The following EPHX1 variants were observed in gnomAD, a reference collection of about 807,000 sequenced individuals.
EPHX1 encodes the protein epoxide hydratase.
In EPHX1, 40 loss-of-function variants were observed where a neutral mutation model predicts 43.2. The observed-to-expected ratio is 0.93, with a 90% confidence interval of 0.72 to 1.21. EPHX1 has a LOEUF of 1.21. EPHX1 is among the 50% of genes most tolerant of loss of function. EPHX1 has a pLI of 0.00. For missense variants in EPHX1, 550 were observed against 570.4 expected, an observed-to-expected ratio of 0.96 and a Z score of 0.36; for synonymous variants, 221 against 226.7, an observed-to-expected ratio of 0.98 and a Z score of 0.22.
intron 1 of EPHX1, among the ~76,000 whole-genome samples, chr1:225,827,917 C>CG: frequency 2.4e-5 from 1 of 41,950 alleles, no homozygotes; most frequent in East Asian, 0.021. Context: ...CCCCATTACC[C>CG]CGTCTGCCCT....
chr1:225,832,078 A>G (rs1667636372), intron 3 of EPHX1, 119 bp downstream of exon 3: 2 of 1,040,466 alleles, frequency 1.9e-6, no homozygotes, highest in East Asian at 4.9e-5. Flanking sequence ...TAGGTGACTG[A>G]GATGTACTTA....
intron 3 of EPHX1, among the ~76,000 whole-genome samples, chr1:225,833,173 A>G (rs2102733012): frequency 6.6e-6 from 1 of 152,302 alleles, no homozygotes; most frequent in South Asian, 2.1e-4. Context: ...AATTTTTTAT[A>G]TTGAAGAAAT....
In EPHX1 at chr1:225,841,483, C is replaced by T. The variant is rs140963338; in HGVS notation, c.932-883C>T. Among the ~76,000 whole-genome samples, 1,360 of 151,752 alleles carry T rather than the reference C, an allele frequency of 9.0e-3. 24 individuals are homozygous for T. Among genetic ancestry groups the T allele is most frequent in the African/African-American group, 0.031 (1,298 of 41,314 alleles). On this transcript the variant is annotated intron_variant, in intron 6 of 8. Transcript: ENST00000272167. ...ATTTTTAGTAGAGACGGGGTTTTACCATGTTGGCCAGGCTGGTCTCGAACT... is the reference window on the plus strand; with the variant it reads ...ATTTTTAGTAGAGACGGGGTTTTACTATGTTGGCCAGGCTGGTCTCGAACT...
At chr1:225,823,891 A>G (rs1667101009) in intron 1 of EPHX1, among the ~76,000 whole-genome samples, 1 of 152,226 alleles carries the variant, frequency 6.6e-6, no homozygotes, top group Admixed American at 6.5e-5. Flanking sequence ...CTGGCCAGGC[A>G]GAGTGGTGCC....
chr1:225,837,937 A>G (rs1037585127), intron 3 of EPHX1, among the ~76,000 whole-genome samples: 2 of 152,266 alleles, frequency 1.3e-5, no homozygotes, highest in African/African-American at 4.8e-5. Flanking sequence ...AAAATTGGAA[A>G]GTACATAAAA....
At position 225,844,548 on chromosome 1, in the gene EPHX1, C is replaced by G. The variant is rs1226707994; in HGVS notation, c.1091C>G (p.Thr364Arg). 1.2e-6 allele frequency: 2 copies of G among 1,614,074 alleles called. No individual in the cohort carries two copies. Among genetic ancestry groups the G allele is most frequent in the African/African-American group, 1.3e-5 (1 of 74,918 alleles). ...ACCAACGTCATGCTCTACTGGACAA[C>G]AGGCACCATCATCTCCTCCCAGCGC... ...LLTNVMLYWT[T>R]GTIISSQRFY... The change falls in exon 8 of 9, where the codon ACA (threonine) becomes AGA (arginine). Residue 364 changes from threonine to arginine, a missense_variant. Thr to Arg is a moderately conservative substitution (Grantham distance 71). Transcript: ENST00000272167.
At chr1:225,838,545 G>C in intron 3 of EPHX1, 109 bp from the exon 4 acceptor site, 1 of 892,764 alleles carries the variant, frequency 1.1e-6, no homozygotes. Flanking sequence ...AGGGGCGGCG[G>C]GGGCACTAAG....
intron 2 of EPHX1, among the ~76,000 whole-genome samples, chr1:225,831,054 A>G (rs1166869067): frequency 2.0e-5 from 3 of 152,192 alleles, no homozygotes; most frequent in Non-Finnish European, 2.9e-5. Flanking sequence ...CTGTCCATAA[A>G]TAAAGTTTTA....
chr1:225,829,651 G>T (rs117146989), intron 2 of EPHX1, among the ~76,000 whole-genome samples: 1 of 152,160 alleles, frequency 6.6e-6, no homozygotes, highest in African/African-American at 2.4e-5. Flanking sequence ...CTTTCATTCC[G>T]TGGGTTTTGA....
chr1:225,842,493 C>T lies in EPHX1; in HGVS notation c.1040+19C>T. On this transcript the variant is annotated intron_variant, in intron 7 of 8. Coordinates refer to ENST00000272167, the MANE Select transcript of EPHX1 (RefSeq NM_001136018.4). ...TGGAAAGGTGAGGCCCTGGTTTGCC[C>T]CTGCAGTCATGACCCTGGTCCCAGC... 1 of 1,566,588 alleles carries T rather than the reference C, an allele frequency of 6.4e-7. No individual in the cohort carries two copies. Among genetic ancestry groups the T allele is most frequent in the Non-Finnish European group, 8.8e-7 (1 of 1,136,628 alleles).
intron 1 of EPHX1, among the ~76,000 whole-genome samples, chr1:225,827,230 C>G (rs916159510): frequency 2.0e-5 from 3 of 152,154 alleles, no homozygotes; most frequent in African/African-American, 7.2e-5. Context: ...GGACCACCTC[C>G]TGCCTTGGGT....
chr1:225,815,101 C>G (rs1424066643), intron 1 of EPHX1, among the ~76,000 whole-genome samples: 1 of 151,420 alleles, frequency 6.6e-6, no homozygotes, highest in African/African-American at 2.4e-5. Flanking sequence ...AATGTAGCCA[C>G]CAGGTCGGGG....
At chr1:225,812,683 G>A (rs1666542437) in intron 1 of EPHX1, among the ~76,000 whole-genome samples, 1 of 152,312 alleles carries the variant, frequency 6.6e-6, no homozygotes, top group Non-Finnish European at 1.5e-5. Flanking sequence ...AGGGGCTACC[G>A]AGATTCATTT....
chr1:225,844,708 G>A lies in EPHX1; in HGVS notation c.1166+85G>A. On this transcript the variant is annotated intron_variant, in intron 8 of 8. Coordinates refer to ENST00000272167, the MANE Select transcript of EPHX1 (RefSeq NM_001136018.4). ...TCTTGGGCTCCACGAAGGGCACTTG[G>A]TGGTGGGATAAGTATAGCCTTGCCT... is the stretch of plus-strand genomic sequence containing the variant. The A allele has an allele frequency of 2.5e-6, 4 of 1,583,810 alleles. No individual in the cohort carries two copies. The East Asian group carries it at 9.1e-5, about 36-fold the overall frequency.
chr1:225,831,676 A>G (rs2102727365), intron 2 of EPHX1, 103 bp from the exon 3 acceptor site: 2 of 1,175,246 alleles, frequency 1.7e-6, no homozygotes, highest in East Asian at 2.4e-5. Context: ...AGAGGGCAGT[A>G]TCTTGTGGCT....
At chr1:225,840,700 A>C (rs116430388) in intron 6 of EPHX1, among the ~76,000 whole-genome samples, 1 of 152,336 alleles carries the variant, frequency 6.6e-6, no homozygotes, top group Non-Finnish European at 1.5e-5. Flanking sequence ...TACAATTCAC[A>C]GAACTGTAAA....
At chr1:225,831,714 A>G in intron 2 of EPHX1, 65 bp from the exon 3 acceptor site, 1 of 1,550,128 alleles carries the variant, frequency 6.5e-7, no homozygotes, top group Non-Finnish European at 8.9e-7. Context: ...TTCTGGAAAC[A>G]GACTTTGCTC....
chr1:225,838,501 C>T (rs1559024060), intron 3 of EPHX1, among the ~76,000 whole-genome samples, 153 bp from the exon 4 acceptor site: 1 of 152,080 alleles, frequency 6.6e-6, no homozygotes, highest in Non-Finnish European at 1.5e-5. Flanking sequence ...GAGTGTGAAA[C>T]CAGTGTCAGC....
chr1:225,845,231 C>A lies in EPHX1; in HGVS notation c.1252C>A (p.Pro418Thr). 6.2e-7 allele frequency: 1 copy of A among 1,614,108 alleles called. No individual in the cohort carries two copies. Among genetic ancestry groups the A allele is most frequent in the African/African-American group, 1.3e-5 (1 of 75,048 alleles). Residue 418 changes from proline to threonine, a missense_variant, in exon 9 of 9, where the codon CCA becomes ACA. Physicochemically the swap from Pro to Thr is conservative, Grantham distance 38 (BLOSUM62 -1). Coordinates refer to ENST00000272167, the MANE Select transcript of EPHX1 (RefSeq NM_001136018.4). Reference protein sequence around the residue: ...TPEKWVRFKYPKLISYSYMVR... With the variant: ...TPEKWVRFKYTKLISYSYMVR... ...TGAAAAGTGGGTGAGGTTCAAGTACCCAAAGCTCATCTCCTATTCCTACAT... is the reference window on the plus strand; with the variant it reads ...TGAAAAGTGGGTGAGGTTCAAGTACACAAAGCTCATCTCCTATTCCTACAT...
Sources: gnomAD v4.1 joint callset for allele counts (sites outside exome capture counted in the v4.1 genomes callset) on GRCh38, gnomAD v4.1.1 for gene constraint, MANE v1.5 for transcripts, NCBI Gene and HGNC (gene_info 2026-07-23, HGNC 2026-07-21) for gene names.